TRIM26: variants seen among roughly 807,000 people sequenced by gnomAD.
The protein encoded by TRIM26 is tripartite motif-containing protein 26.
Under a neutral mutation model 45.5 loss-of-function variants are expected in TRIM26, and 16 were observed. The observed-to-expected ratio is 0.35, with a 90% CI of 0.24 to 0.53. The LOEUF (loss-of-function observed/expected upper bound fraction) is 0.53. Ranked by LOEUF, TRIM26 falls within the 20% of genes least tolerant of loss-of-function variation. TRIM26 has a pLI of 0.92. For missense variants in TRIM26, 442 were observed against 691.1 expected (o/e 0.64, Z 4.04); for synonymous variants, 273 against 290.4 (o/e 0.94, Z 0.61).
chr6:30,193,182 A>ATATATATATATT (rs9280916), intron 6 of TRIM26, among the ~76,000 whole-genome samples: 1 of 38,808 alleles, frequency 2.6e-5, no homozygotes, highest in African/African-American at 1.2e-4. Context: ...ATATATATAT[A>ATATATATATATT]TTTTTTTTTT....
Position 30,196,758 on chromosome 6 carries a change from AG to A in TRIM26, c.535-13del. 6.2e-7 allele frequency: 1 copy of A among 1,613,806 alleles called. No individual in the cohort carries two copies. The highest frequency in any genetic ancestry group is 8.5e-7 in the Non-Finnish European group (1 of 1,179,814). ...TCCTGGAGCTTCTTCTGCAGGGGGC[AG>A]GAAGGGGAGAAGGGCTGACACCTCT... is the stretch of plus-strand genomic sequence containing the variant. On this transcript the variant is annotated splice_polypyrimidine_tract_variant and intron_variant, in intron 5 of 9. Transcript: ENST00000454678. This position sits in a 1 kb window ranked among gnomAD's most constrained non-coding sequence, Gnocchi z 4.9.
Position 30,198,413 on chromosome 6 carries a change from A to T in TRIM26, c.534+16T>A. 1 of 1,612,830 alleles carries T rather than the reference A, an allele frequency of 6.2e-7. No individual in the cohort carries two copies. Among genetic ancestry groups the T allele is most frequent in the Non-Finnish European group, 8.5e-7 (1 of 1,180,008 alleles). The stretch of plus-strand genomic sequence containing the variant: ...GGGCGCACCGCCTCAGGGCTTCCTG[A>T]AACAGCCTCACTTACCAGCGCGGCC... On this transcript the variant is annotated intron_variant, in intron 5 of 9. Transcript: ENST00000454678. This position sits in a 1 kb window ranked among gnomAD's most constrained non-coding sequence, Gnocchi z 6.3.
chr6:30,204,865 G>C (rs1214735401), intron 1 of TRIM26, 100 bp from the exon 2 acceptor site: 1 of 151,728 alleles, frequency 6.6e-6, no homozygotes, highest in Non-Finnish European at 1.5e-5. Flanking sequence ...TTCTGAACCT[G>C]AAGAAGTCAC....
At chr6:30,193,275 G>A (rs1215730353) in intron 6 of TRIM26, among the ~76,000 whole-genome samples, 1 of 146,480 alleles carries the variant, frequency 6.8e-6, no homozygotes, top group Non-Finnish European at 1.5e-5. Flanking sequence ...TCTGCCTCCT[G>A]GATTCAAGTG....
Position 30,186,210 on chromosome 6 carries a change from T to C in TRIM26, c.1286A>G (p.Glu429Gly). 6.3e-7 allele frequency: 1 copy of C among 1,595,376 alleles called. No individual in the cohort carries two copies. The highest frequency in any genetic ancestry group is 8.5e-7 in the Non-Finnish European group (1 of 1,170,112). ...LGDEEEEEEE[E>G]EEEVLESCMV... ...GCAGCTTTCCAGAACTTCCTCCTCT[T>C]CCTCCTCCTCTTCTTCCTCTTCATC... The change falls in exon 10 of 10, where the codon GAA becomes GGA. Residue 429 changes from glutamate to glycine, a missense_variant. Physicochemically the swap from Glu to Gly is moderately conservative, Grantham distance 98 (BLOSUM62 -2). Transcript: ENST00000454678. This position sits in a 1 kb window ranked among gnomAD's most constrained non-coding sequence, Gnocchi z 7.4.
chr6:30,188,606 C>A, intron 9 of TRIM26: 1 of 229,006 alleles, frequency 4.4e-6, no homozygotes, highest in South Asian at 8.1e-5. Flanking sequence ...CTCGTTTGCT[C>A]CCAGACAGGC....
chr6:30,199,078 C>A lies in TRIM26; in HGVS notation c.26G>T (p.Ser9Ile). The change falls in exon 4 of 10, where the codon AGC (serine) becomes ATC (isoleucine). Residue 9 changes from serine to isoleucine, a missense_variant. Coordinates refer to ENST00000454678, the MANE Select transcript of TRIM26 (RefSeq NM_003449.5). MATSAPLR[S>I]LEEEVTCSIC... ...GGAGCAGGTCACCTCCTCTTCCAGG[C>A]TCCGTAGTGGGGCTGACGTGGCCAT... The A allele has an allele frequency of 6.3e-7, 1 of 1,580,046 alleles. No individual in the cohort carries two copies. The highest frequency in any genetic ancestry group is 1.3e-5 in the African/African-American group (1 of 74,510).
In TRIM26 at chr6:30,190,136, CA is replaced by C; in HGVS notation, c.766-102del. On this transcript the variant is annotated intron_variant, in intron 6 of 9. Transcript: ENST00000454678. The surrounding 1 kb of genome is among the most constrained non-coding windows in gnomAD (Gnocchi z 4.3). ...AGCAGAGATGGGACATATCAGTGAACAAAACAAATGTGGTCCCTTTTTTATG... is the reference window on the plus strand; with the variant it reads ...AGCAGAGATGGGACATATCAGTGAACAAACAAATGTGGTCCCTTTTTTATG... The C allele has an allele frequency of 7.6e-7, 1 of 1,320,466 alleles. No homozygotes were observed. The highest frequency in any genetic ancestry group is 1.1e-6 in the Non-Finnish European group (1 of 928,284). The allele number at this position is 1,320,466 out of a possible 1,614,324, so 81.8% of individuals were successfully genotyped here. A position where few individuals can be genotyped will look rare whatever the true frequency, so the allele number is the denominator to read the frequency against.
rs575147583 is a variant in TRIM26 at position 30,184,630 on chromosome 6, C to T, written c.*1246G>A. ...CATGTGACACACACAAAGTGGGCAG[C>T]TCTGAGACAATGGTGGTCAAGTGAC... is the stretch of plus-strand genomic sequence containing the variant. On this transcript the variant is annotated 3_prime_UTR_variant, in exon 10 of 10. Transcript: ENST00000454678. 6.5e-6 allele frequency: 1 copy of T among 152,802 alleles called. No homozygotes were observed. The highest frequency in any genetic ancestry group is 2.4e-5 in the African/African-American group (1 of 41,568). The allele number at this position is 152,802 out of a possible 1,614,324, so 9.5% of individuals were successfully genotyped here.
At position 30,199,141 on chromosome 6, in the gene TRIM26, A is replaced by T. The variant is rs1776829090; in HGVS notation, c.-38T>A. ...TCAGAGAGGTCTCCGTTCACTGGTG[A>T]GGACTTCTTCTCCTTGGAGACGCGA... On this transcript the variant is annotated 5_prime_UTR_variant, in exon 4 of 10. Coordinates refer to ENST00000454678, the MANE Select transcript of TRIM26 (RefSeq NM_003449.5). 1 of 1,517,838 alleles carries T rather than the reference A, an allele frequency of 6.6e-7. No homozygotes were observed. The highest frequency in any genetic ancestry group is 8.8e-7 in the Non-Finnish European group (1 of 1,131,288). 94.0% of individuals were successfully genotyped at this position (1,517,838 alleles called of 1,614,324 possible).
intron 6 of TRIM26, among the ~76,000 whole-genome samples, chr6:30,193,906 C>T (rs1292577898): frequency 6.6e-6 from 1 of 152,108 alleles, no homozygotes; most frequent in Non-Finnish European, 1.5e-5. Flanking sequence ...ATGCAGTAGA[C>T]TTTTTATGTT....
chr6:30,198,619 C>T lies in TRIM26; in HGVS notation c.438+47G>A, dbSNP rs747399185. The T allele has an allele frequency of 3.7e-6, 6 of 1,606,520 alleles. No individual in the cohort carries two copies. Among genetic ancestry groups the T allele is most frequent in the Non-Finnish European group, 5.1e-6 (6 of 1,176,660 alleles). ...GTCCTCTGAGGACTGCAAGGTGGAGCATCCAGAGAAGGTGGCAAGGCACCC... is the reference window on the plus strand; with the variant it reads ...GTCCTCTGAGGACTGCAAGGTGGAGTATCCAGAGAAGGTGGCAAGGCACCC... On this transcript the variant is annotated intron_variant, in intron 4 of 9. Transcript: ENST00000454678. The surrounding 1 kb of genome is among the most constrained non-coding windows in gnomAD (Gnocchi z 6.3).
chr6:30,189,689 G>T lies in TRIM26; in HGVS notation c.789-156C>A. 1.5e-6 allele frequency: 1 copy of T among 687,016 alleles called. No individual in the cohort carries two copies. The highest frequency in any genetic ancestry group is 2.5e-6 in the Non-Finnish European group (1 of 405,344). The allele number at this position is 687,016 out of a possible 1,614,324, so 42.6% of individuals were successfully genotyped here. On this transcript the variant is annotated intron_variant, in intron 7 of 9. Transcript: ENST00000454678. This position sits in a 1 kb window ranked among gnomAD's most constrained non-coding sequence, Gnocchi z 5.0. ...AAACAGTGGCCCAAAGACACCAGCTGAACCAGGGCTTCAGAACATCAGTAG... is the reference window on the plus strand; with the variant it reads ...AAACAGTGGCCCAAAGACACCAGCTTAACCAGGGCTTCAGAACATCAGTAG...
At chr6:30,192,107 C>T (rs186975260) in intron 6 of TRIM26, among the ~76,000 whole-genome samples, 9 of 152,298 alleles carry the variant, frequency 5.9e-5, no homozygotes, top group Admixed American at 5.9e-4. Context: ...TCAGGAGCCC[C>T]CATCCACAGC....
rs1365575828 is a variant in TRIM26, at chr6:30,201,059, T to TA, written c.-187_-186insT. ...CCTGGAGGACTTGCTCTCCTATAGATCCATGGAAGGCAACTACAGCAGCGC... is the reference window on the plus strand; with the variant it reads ...CCTGGAGGACTTGCTCTCCTATAGATACCATGGAAGGCAACTACAGCAGCGC... On this transcript the variant is annotated 5_prime_UTR_variant, in exon 3 of 10. It removes the in-frame stop codon of an upstream open reading frame in the 5' UTR. Transcript: ENST00000454678. 2 of 152,108 alleles carry TA rather than the reference T, an allele frequency of 1.3e-5. No individual in the cohort carries two copies. Among genetic ancestry groups the TA allele is most frequent in the Non-Finnish European group, 2.9e-5 (2 of 68,036 alleles). 9.4% of individuals were successfully genotyped at this position (152,108 alleles called of 1,614,324 possible). A position where few individuals can be genotyped will look rare whatever the true frequency, so the allele number is the denominator to read the frequency against.
intron 6 of TRIM26, among the ~76,000 whole-genome samples, chr6:30,193,069 T>TATATATGTATATATATACAC (rs1364737777): frequency 7.0e-6 from 1 of 142,520 alleles, no homozygotes; most frequent in Non-Finnish European, 1.5e-5. Flanking sequence ...GTAGTATATA[T>TATATATGTATATATATACAC]ATATATATGT....
chr6:30,199,090 G>A lies in TRIM26; in HGVS notation c.14C>T (p.Ala5Val), dbSNP rs755349528. Reference protein sequence around the residue: MATSAPLRSLEEEVT... With the variant: MATSVPLRSLEEEVT... ...CTCCTCTTCCAGGCTCCGTAGTGGG[G>A]CTGACGTGGCCATGGTATCCTTAGT... The change falls in exon 4 of 10, where the codon GCC becomes GTC. Residue 5 changes from alanine (A) to valine (V), a missense_variant. Transcript: ENST00000454678. 1 of 1,564,832 alleles carries A rather than the reference G, an allele frequency of 6.4e-7. No homozygotes were observed. The highest frequency in any genetic ancestry group is 1.8e-5 in the Admixed American group (1 of 55,766).
Position 30,192,489 on chromosome 6 carries a change from T to C in TRIM26, c.766-2454A>G, listed in dbSNP as rs764025240. ...CTTTCCTATCACCTCTATCAAAAGG[T>C]CTCTTCTATTTTACACATTTTGTCC... On this transcript the variant is annotated intron_variant, in intron 6 of 9. Transcript: ENST00000454678. Among the ~76,000 whole-genome samples, 672 of 152,176 alleles carry C rather than the reference T, an allele frequency of 4.4e-3. 1 individual carries two copies. Among genetic ancestry groups the C allele is most frequent in the African/African-American group, 0.011 (472 of 41,516 alleles).
intron 2 of TRIM26, among the ~76,000 whole-genome samples, chr6:30,204,178 T>C (rs1368919085): frequency 6.6e-6 from 1 of 152,180 alleles, no homozygotes; most frequent in Non-Finnish European, 1.5e-5. Flanking sequence ...CTGAGGAAAC[T>C]GAGGCTCAGC....
Sources: allele counts gnomAD v4.1 joint callset (sites outside exome capture counted in the v4.1 genomes callset), GRCh38; gene constraint gnomAD v4.1.1; non-coding constraint Gnocchi (gnomAD v3.1); transcripts MANE v1.5; gene names NCBI Gene and HGNC (gene_info 2026-07-23, HGNC 2026-07-21).